Variants in DIS3L2 observed in about 807,000 individuals in gnomAD.
DIS3L2 encodes the protein DIS3-like exonuclease 2.
In DIS3L2, 34 loss-of-function variants were observed where a neutral mutation model predicts 97.5. The ratio of observed to expected loss-of-function variants is 0.35; its 90% CI spans 0.27 to 0.46. The LOEUF is 0.46. Among genes scored for constraint, DIS3L2 ranks in the 20% least tolerant of loss-of-function variants. The pLI, the probability that DIS3L2 is intolerant of heterozygous loss-of-function variation, is 1.00. For synonymous variants in DIS3L2, 435 were observed against 445.2 expected (o/e 0.98, Z 0.29); for missense variants, 1,038 against 1,146.0 (o/e 0.91, Z 1.36).
chr2:232,336,083 C>A, intron 20 of DIS3L2: 1 of 1,542,494 alleles, frequency 6.5e-7, no homozygotes, highest in Non-Finnish European at 8.7e-7. Flanking sequence ...GGGGCAACCA[C>A]AGTGGAGAGA....
At chr2:232,010,993 T>C (rs1332108547) in intron 1 of DIS3L2, among the ~76,000 whole-genome samples, 1 of 152,264 alleles carries the variant, frequency 6.6e-6, no homozygotes, top group Non-Finnish European at 1.5e-5. Flanking sequence ...AGACACCGTT[T>C]ATTTCACCCA....
At chr2:232,215,452 C>G (rs1296228719) in intron 10 of DIS3L2, among the ~76,000 whole-genome samples, 1 of 152,206 alleles carries the variant, frequency 6.6e-6, no homozygotes, top group African/African-American at 2.4e-5. Context: ...ACATTACCTA[C>G]TGTGCTCAAG....
At chr2:232,330,146 AAGGGCCCCTCTGAGTCAC>A in intron 15 of DIS3L2, 150 bp downstream of exon 15, 1 of 1,001,374 alleles carries the variant, frequency 1.0e-6, no homozygotes, top group Non-Finnish European at 1.4e-6. Context: ...CCCTGGGAGA[AAGGGCCCCTCTGAGTCAC>A]AGGGGCCCTG....
intron 8 of DIS3L2, among the ~76,000 whole-genome samples, chr2:232,156,849 C>T (rs1690508879): frequency 6.6e-6 from 1 of 152,132 alleles, no homozygotes; most frequent in African/African-American, 2.4e-5. Context: ...TGGTATATCT[C>T]ATTTTTATAC....
intron 13 of DIS3L2, among the ~76,000 whole-genome samples, chr2:232,282,668 A>G (rs1335895001): frequency 6.6e-6 from 1 of 152,152 alleles, no homozygotes; most frequent in African/African-American, 2.4e-5. Flanking sequence ...CGCTTTCAGG[A>G]GTATCCATGC....
intron 6 of DIS3L2, among the ~76,000 whole-genome samples, chr2:232,116,426 C>T (rs1246535342): frequency 6.6e-6 from 1 of 152,136 alleles, no homozygotes; most frequent in Non-Finnish European, 1.5e-5. Flanking sequence ...GTTAGAGACC[C>T]TTTCATGGTC....
chr2:232,318,099 A>G (rs1695327194), intron 14 of DIS3L2, among the ~76,000 whole-genome samples: 6 of 152,200 alleles, frequency 3.9e-5, no homozygotes, highest in Admixed American at 3.3e-4. Context: ...TCCACAATGG[A>G]GAACCCACTC....
intron 5 of DIS3L2, among the ~76,000 whole-genome samples, chr2:232,056,760 A>G (rs1476029634): frequency 6.6e-6 from 1 of 152,222 alleles, no homozygotes; most frequent in Non-Finnish European, 1.5e-5. Flanking sequence ...GGGCTGAAAT[A>G]AATAGGTAAA....
chr2:232,074,079 G>A (rs972579916), intron 5 of DIS3L2, among the ~76,000 whole-genome samples: 1 of 152,086 alleles, frequency 6.6e-6, no homozygotes, highest in African/African-American at 2.4e-5. Context: ...GGTTATATTT[G>A]CATTTATATT....
At chr2:232,022,878 T>A (rs1694557787) in intron 3 of DIS3L2, among the ~76,000 whole-genome samples, 2 of 152,226 alleles carry the variant, frequency 1.3e-5, no homozygotes, top group Admixed American at 1.3e-4. Flanking sequence ...GTGGATTTAC[T>A]GTGACACTCT....
chr2:231,984,556 T>A (rs889002826), intron 1 of DIS3L2, among the ~76,000 whole-genome samples: 2 of 151,454 alleles, frequency 1.3e-5, no homozygotes, highest in African/African-American at 4.8e-5. Context: ...CCGGCTAATT[T>A]TTTTTTTTTT....
At chr2:232,079,243 G>A (rs1371707239) in intron 5 of DIS3L2, among the ~76,000 whole-genome samples, 2 of 152,132 alleles carry the variant, frequency 1.3e-5, no homozygotes, top group Admixed American at 1.3e-4. Context: ...TCTAGTTGGG[G>A]AAACAGAAAG....
At chr2:232,017,103 A>T (rs988075057) in intron 3 of DIS3L2, among the ~76,000 whole-genome samples, 3 of 151,778 alleles carry the variant, frequency 2.0e-5, no homozygotes, top group Non-Finnish European at 2.9e-5. Flanking sequence ...TTATTTATTT[A>T]TTTTTTGAGA....
chr2:231,985,243 CCT>C (rs1274484966), intron 1 of DIS3L2, among the ~76,000 whole-genome samples: 1 of 152,126 alleles, frequency 6.6e-6, no homozygotes, highest in Non-Finnish European at 1.5e-5. Flanking sequence ...CAGCCATTGC[CCT>C]CTCTCTCTGC....
intron 14 of DIS3L2, chr2:232,329,371 G>T (rs768958950): frequency 6.3e-6 from 1 of 158,846 alleles, no homozygotes; most frequent in Non-Finnish European, 1.4e-5. Flanking sequence ...GGGGCCCCAG[G>T]GTTCCCATGC....
intron 1 of DIS3L2, among the ~76,000 whole-genome samples, chr2:232,009,642 G>T (rs905205260): frequency 2.0e-5 from 3 of 152,140 alleles, no homozygotes; most frequent in African/African-American, 7.2e-5. Context: ...AAGTCTGCCT[G>T]GGTTTTACTT....
chr2:231,999,577 C>G (rs1451783280), intron 1 of DIS3L2, among the ~76,000 whole-genome samples: 1 of 152,058 alleles, frequency 6.6e-6, no homozygotes, highest in Non-Finnish European at 1.5e-5. Context: ...GCTCGTTATC[C>G]ACAAGTATTT....
chr2:232,185,073 C>G (rs1012753484), intron 9 of DIS3L2, among the ~76,000 whole-genome samples: 3 of 152,166 alleles, frequency 2.0e-5, no homozygotes, highest in Non-Finnish European at 4.4e-5. Flanking sequence ...TGATGGGTAG[C>G]AAAGTTCTCA....
intron 10 of DIS3L2, among the ~76,000 whole-genome samples, chr2:232,231,919 A>G (rs1337484759): frequency 6.6e-6 from 1 of 152,196 alleles, no homozygotes; most frequent in Non-Finnish European, 1.5e-5. Context: ...ACAGAAGGGG[A>G]TTGAGCCTGG....
Sources: allele counts gnomAD v4.1 joint callset (sites outside exome capture counted in the v4.1 genomes callset), GRCh38; gene constraint gnomAD v4.1.1; transcripts MANE v1.5; gene names NCBI Gene and HGNC (gene_info 2026-07-23, HGNC 2026-07-21).